ADAMTS20: variants seen among roughly 807,000 people sequenced by gnomAD.
ADAMTS20 encodes the protein A disintegrin and metalloproteinase with thrombospondin motifs 20.
ADAMTS20 carries 225 observed loss-of-function variants against 260.1 expected under a neutral mutation model. The ratio of observed to expected loss-of-function variants is 0.87; its 90% CI spans 0.78 to 0.97. ADAMTS20 has a LOEUF of 0.97. Ranked by LOEUF, ADAMTS20 falls within the 50% of genes least tolerant of loss-of-function variation. ADAMTS20 has a pLI of 0.00. For synonymous variants in ADAMTS20, 802 were observed against 769.5 expected (o/e 1.04, Z -0.70); for missense variants, 2,400 against 2,337.7 (o/e 1.03, Z -0.55).
At chr12:43,359,821 C>T (rs1393151122) in intron 37 of ADAMTS20, among the ~76,000 whole-genome samples, 2 of 152,224 alleles carry the variant, frequency 1.3e-5, no homozygotes, top group South Asian at 2.1e-4. Context: ...ATCCCTCAGA[C>T]TTAATACAAA....
chr12:43,549,767 C>A (rs1943488216), intron 2 of ADAMTS20, among the ~76,000 whole-genome samples: 1 of 152,080 alleles, frequency 6.6e-6, no homozygotes, highest in Non-Finnish European at 1.5e-5. Context: ...TGGTTCTAGC[C>A]ATTTCATGTA....
At chr12:43,427,784 T>C (rs189335189) in intron 26 of ADAMTS20, among the ~76,000 whole-genome samples, 2 of 152,332 alleles carry the variant, frequency 1.3e-5, no homozygotes, top group Admixed American at 1.3e-4. Context: ...TAAAAGACAG[T>C]ATTAAATTAC....
At chr12:43,495,317 A>G (rs1942662004) in intron 4 of ADAMTS20, among the ~76,000 whole-genome samples, 1 of 152,220 alleles carries the variant, frequency 6.6e-6, no homozygotes, top group South Asian at 2.1e-4. Flanking sequence ...GCTATAAAAC[A>G]TAGTTATTTA....
intron 35 of ADAMTS20, 45 bp from the exon 36 acceptor site, chr12:43,375,557 G>T: frequency 6.2e-7 from 1 of 1,600,084 alleles, no homozygotes; most frequent in Non-Finnish European, 8.5e-7. Flanking sequence ...CAGTTACGAG[G>T]CCATAATGTA....
intron 36 of ADAMTS20, among the ~76,000 whole-genome samples, chr12:43,371,726 G>A (rs1940111877): frequency 6.6e-6 from 1 of 152,180 alleles, no homozygotes; most frequent in Admixed American, 6.5e-5. Flanking sequence ...AGGCCACTGT[G>A]TCTGTAGTAG....
rs767055381 is a variant in ADAMTS20 at position 43,356,459 on chromosome 12, G to C, written c.5643+25C>G. ...TCATAGCTCAGAAGTATTTCAAACAGGCTTTTTGGTCCCGCAGGACTTACC... is the reference window on the plus strand; with the variant it reads ...TCATAGCTCAGAAGTATTTCAAACACGCTTTTTGGTCCCGCAGGACTTACC... On this transcript the variant is annotated intron_variant, in intron 38 of 38. Coordinates refer to ENST00000389420, the MANE Select transcript of ADAMTS20 (RefSeq NM_025003.5). The C allele has an allele frequency of 2.7e-6, 4 of 1,487,928 alleles. No individual in the cohort carries two copies. In the East Asian group the frequency reaches 6.9e-5, roughly 26 times the overall value. The allele number at this position is 1,487,928 out of a possible 1,614,324, so 92.2% of individuals were successfully genotyped here. A position where few individuals can be genotyped will look rare whatever the true frequency, so the allele number is the denominator to read the frequency against.
In ADAMTS20 at chr12:43,514,454, C is replaced by T. The variant is rs538232896; in HGVS notation, c.614-12049G>A. Among the ~76,000 whole-genome samples, 18 of 150,486 alleles carry T rather than the reference C, an allele frequency of 1.2e-4. No homozygotes were observed. In the South Asian group the frequency reaches 1.5e-3, roughly 12 times the overall value. ...GCGCGTGCCTGTAATCCCAGTTACT[C>T]GGGAGGCTGAGGCAGGAGAACAGCT... On this transcript the variant is annotated intron_variant, in intron 3 of 38. Coordinates refer to ENST00000389420, the MANE Select transcript of ADAMTS20 (RefSeq NM_025003.5).
At chr12:43,418,774 AC>A (rs1313619543) in intron 28 of ADAMTS20, among the ~76,000 whole-genome samples, 7 of 152,222 alleles carry the variant, frequency 4.6e-5, no homozygotes, top group African/African-American at 1.7e-4. Flanking sequence ...ATATTGAACT[AC>A]AGCTTCTTTT....
At chr12:43,528,005 T>C (rs962589924) in intron 3 of ADAMTS20, among the ~76,000 whole-genome samples, 8 of 151,880 alleles carry the variant, frequency 5.3e-5, no homozygotes, top group African/African-American at 1.9e-4. Flanking sequence ...GGTTATAAAA[T>C]CAACATAAAC....
In ADAMTS20 at chr12:43,516,388, T is replaced by G. The variant is rs565103111; in HGVS notation, c.614-13983A>C. ...AATTAGAATTACTGCTTCCTTTTCA[T>G]AAGCAAAGCATCATGTGGCTAAGCA... On this transcript the variant is annotated intron_variant, in intron 3 of 38. Coordinates refer to ENST00000389420, the MANE Select transcript of ADAMTS20 (RefSeq NM_025003.5). Among the ~76,000 whole-genome samples, 4 of 152,326 alleles carry G rather than the reference T, an allele frequency of 2.6e-5. No individual in the cohort carries two copies. The South Asian group carries it at 8.3e-4, about 32-fold the overall frequency.
At chr12:43,384,010 G>C in intron 29 of ADAMTS20, 33 bp from the exon 30 acceptor site, 1 of 1,557,322 alleles carries the variant, frequency 6.4e-7, no homozygotes, top group African/African-American at 1.4e-5. Flanking sequence ...TGAACAATTA[G>C]CTAATAAATA....
At chr12:43,508,447 C>G (rs1421650315) in intron 3 of ADAMTS20, among the ~76,000 whole-genome samples, 1 of 151,922 alleles carries the variant, frequency 6.6e-6, no homozygotes, top group Non-Finnish European at 1.5e-5. Context: ...GATCATTTAC[C>G]ATGATAAAAC....
chr12:43,482,896 CA>C (rs1942463619), intron 7 of ADAMTS20, among the ~76,000 whole-genome samples: 1 of 152,196 alleles, frequency 6.6e-6, no homozygotes, highest in African/African-American at 2.4e-5. Context: ...GGTCAGATAA[CA>C]GATTGTATCT....
At position 43,551,037 on chromosome 12, in the gene ADAMTS20, A is replaced by G. The variant is rs529173223; in HGVS notation, c.325T>C (p.Leu109=). Residue 109 remains leucine, a synonymous_variant, in exon 2 of 39, where the codon TTG becomes CTG. Coordinates refer to ENST00000389420, the MANE Select transcript of ADAMTS20 (RefSeq NM_025003.5). This position sits in a 1 kb window ranked among gnomAD's most constrained non-coding sequence, Gnocchi z 4.6. ...FLAAGYTEVH[L]GTPERGAWES... is the part of the protein sequence containing the mutation. Reference sequence around the variant, plus strand: ...CAGGCCCCGCGCTCCGGGGTTCCCAAGTGCACCTCGGTGTAGCCGGCGGCC... The same window carrying G: ...CAGGCCCCGCGCTCCGGGGTTCCCAGGTGCACCTCGGTGTAGCCGGCGGCC... 1.9e-6 allele frequency: 3 copies of G among 1,613,332 alleles called. No homozygotes were observed. The African/African-American group carries it at 4.0e-5, about 22-fold the overall frequency.
intron 37 of ADAMTS20, among the ~76,000 whole-genome samples, chr12:43,363,940 G>A (rs550251896): frequency 6.6e-6 from 1 of 152,204 alleles, no homozygotes; most frequent in Admixed American, 6.5e-5. Context: ...GAAAGAATAG[G>A]GAAATCATCT....
At chr12:43,393,339 T>C (rs1940635180) in intron 29 of ADAMTS20, among the ~76,000 whole-genome samples, 1 of 152,038 alleles carries the variant, frequency 6.6e-6, no homozygotes. Flanking sequence ...CACCACCTAA[T>C]TGACTGGGAT....
rs1047494081 is a variant in ADAMTS20, at chr12:43,545,609, G to T, written c.453+5300C>A. ...TTTGCACCCTGGCCATAGCTCCCAA[G>T]GACTTCTCCTTGTCAGTAACTGAGT... On this transcript the variant is annotated intron_variant, in intron 2 of 38. Transcript: ENST00000389420. 1.2e-3 allele frequency among the ~76,000 whole-genome samples: 184 copies of T among 152,184 alleles called. 1 individual carries two copies. Among genetic ancestry groups the T allele is most frequent in the Non-Finnish European group, 8.8e-5 (6 of 68,016 alleles).
At chr12:43,462,836 G>A (rs375926192) in intron 11 of ADAMTS20, 59 bp downstream of exon 11, 17 of 1,377,148 alleles carry the variant, frequency 1.2e-5, no homozygotes, top group Non-Finnish European at 1.7e-5. Context: ...CTAAAATGCA[G>A]AGCAATCACA....
chr12:43,398,519 C>T (rs1229621127), intron 29 of ADAMTS20, among the ~76,000 whole-genome samples: 1 of 152,094 alleles, frequency 6.6e-6, no homozygotes, highest in African/African-American at 2.4e-5. Context: ...GATTACAATC[C>T]CATCTGGAAT....
Sources: gnomAD v4.1 joint callset for allele counts (sites outside exome capture counted in the v4.1 genomes callset) on GRCh38, gnomAD v4.1.1 for gene constraint, Gnocchi (gnomAD v3.1) non-coding constraint, MANE v1.5 for transcripts, NCBI Gene and HGNC (gene_info 2026-07-23, HGNC 2026-07-21) for gene names.